The following DLG4 variants were observed in gnomAD, a reference collection of about 807,000 sequenced individuals.
DLG4 encodes the protein discs large MAGUK scaffold protein 4, also known as disks large homolog 4.
A neutral mutation model predicts 93.8 loss-of-function variants in DLG4; 7 were observed. The observed-to-expected ratio is 0.07, with a 90% confidence interval of 0.04 to 0.14. The LOEUF (loss-of-function observed/expected upper bound fraction) is 0.14, where lower values mean the gene tolerates loss of function less well. Ranked by LOEUF, DLG4 falls within the 10% of genes least tolerant of loss-of-function variation. DLG4 has a pLI of 1.00. For missense variants in DLG4, 545 were observed against 992.9 expected (o/e 0.55, Z 6.06); for synonymous variants, 341 against 387.6 (o/e 0.88, Z 1.41).
upstream of DLG4, chr17:7,219,936 C>CGGGCGTG (rs1555527399): frequency 3.8e-6 from 6 of 1,578,406 alleles, no homozygotes; most frequent in South Asian, 1.1e-5. Context: ...GTGCAGGACG[C>CGGGCGTG]CAGAGCTGGG....
rs1321828165 is a variant in DLG4 at position 7,193,467 on chromosome 17, A to T, written c.1693+16T>A. 1.3e-6 allele frequency: 2 copies of T among 1,516,796 alleles called. No individual in the cohort carries two copies. The highest frequency in any genetic ancestry group is 4.6e-5 in the Admixed American group (2 of 43,080). 94.0% of individuals were successfully genotyped at this position (1,516,796 alleles called of 1,614,324 possible). A position where few individuals can be genotyped will look rare whatever the true frequency, so the allele number is the denominator to read the frequency against. On this transcript the variant is annotated intron_variant, in intron 16 of 19. Transcript: ENST00000399506. This position sits in a 1 kb window ranked among gnomAD's most constrained non-coding sequence, Gnocchi z 6.7. Reference sequence around the variant, plus strand: ...CCACTTCCACCTTCTCCTCCATCCAAGGCCCCAGCACTCACGGGGAACACA... The same window carrying T: ...CCACTTCCACCTTCTCCTCCATCCATGGCCCCAGCACTCACGGGGAACACA...
intron 3 of DLG4, 28 bp from the exon 4 acceptor site, chr17:7,204,095 T>G (rs1386202915): frequency 3.1e-6 from 5 of 1,604,460 alleles, no homozygotes; most frequent in African/African-American, 1.3e-5. Flanking sequence ...ACAAAAGCAG[T>G]GAGACAGACA....
At chr17:7,205,201 G>A (rs955850849) in intron 2 of DLG4, 1 of 980,922 alleles carries the variant, frequency 1.0e-6, no homozygotes, top group Non-Finnish European at 1.2e-6. Flanking sequence ...AGTGGTGAAA[G>A]ACATCCGGGT....
upstream of DLG4, chr17:7,219,071 G>A: frequency 5.0e-6 from 3 of 602,042 alleles, no homozygotes; most frequent in South Asian, 4.1e-5. Flanking sequence ...CTCCTGAGAA[G>A]CCAGCAAAGA....
Position 7,193,346 on chromosome 17 carries a change from G to T in DLG4, c.1693+137C>A. The T allele has an allele frequency of 9.6e-7, 1 of 1,038,786 alleles. No homozygotes were observed. Among genetic ancestry groups the T allele is most frequent in the Non-Finnish European group, 1.4e-6 (1 of 728,882 alleles). 64.3% of individuals were successfully genotyped at this position (1,038,786 alleles called of 1,614,324 possible). On this transcript the variant is annotated intron_variant, in intron 16 of 19. Coordinates refer to ENST00000399506, the MANE Select transcript of DLG4 (RefSeq NM_001321075.3). This position sits in a 1 kb window ranked among gnomAD's most constrained non-coding sequence, Gnocchi z 6.7. ...TATGGAATGAGAGGGTGGCTGAGAA[G>T]CACCCCTTCTCGGAGAAACCCTGTA...
chr17:7,219,411 A>C (rs2071079543), upstream of DLG4: 2 of 1,015,440 alleles, frequency 2.0e-6, no homozygotes, highest in Non-Finnish European at 2.4e-6. Flanking sequence ...TCCTACTGTG[A>C]AACTGTAGCT....
intron 1 of DLG4, among the ~76,000 whole-genome samples, chr17:7,210,909 C>T (rs1039970206): frequency 6.6e-6 from 1 of 151,960 alleles, no homozygotes; most frequent in Non-Finnish European, 1.5e-5. Flanking sequence ...TCTCAGCGAG[C>T]CCCCAATACC....
rs2142846542 is a variant in DLG4, at chr17:7,196,976, G to A, written c.864C>T (p.Pro288=). Residue 288 remains proline (P), a synonymous_variant, in exon 9 of 20, where the codon CCC becomes CCT. Transcript: ENST00000399506. This position sits in a 1 kb window ranked among gnomAD's most constrained non-coding sequence, Gnocchi z 8.3. ...CTGGAGAGTAGCGCCGAGGGGAAGT[G>A]GGGGTCATGGCTGTGGGGTAGTCGG... ...LGTDYPTAMT[P]TSPRRYSPVA... The A allele has an allele frequency of 6.2e-7, 1 of 1,613,816 alleles. No homozygotes were observed. The highest frequency in any genetic ancestry group is 1.3e-5 in the African/African-American group (1 of 75,056).
In DLG4 at chr17:7,193,234, G is replaced by A; in HGVS notation, c.1694-117C>T. The A allele has an allele frequency of 2.8e-6, 4 of 1,449,754 alleles. No individual in the cohort carries two copies. Among genetic ancestry groups the A allele is most frequent in the Middle Eastern group, 1.8e-4 (1 of 5,588 alleles). 89.8% of individuals were successfully genotyped at this position (1,449,754 alleles called of 1,614,324 possible). On this transcript the variant is annotated intron_variant, in intron 16 of 19. Transcript: ENST00000399506. The surrounding 1 kb of genome is among the most constrained non-coding windows in gnomAD (Gnocchi z 6.7). Reference sequence around the variant, plus strand: ...GCTGGTCCTTTGGTGAAAGGGAGCTGCCAGGGAGACCAAGACTGCAGAGGG... The same window carrying A: ...GCTGGTCCTTTGGTGAAAGGGAGCTACCAGGGAGACCAAGACTGCAGAGGG...
intron 1 of DLG4, among the ~76,000 whole-genome samples, chr17:7,215,444 C>T (rs1287441458): frequency 6.6e-6 from 1 of 152,256 alleles, no homozygotes; most frequent in East Asian, 1.9e-4. Context: ...CCCACACATT[C>T]CAGCGGGCTT....
rs1300555589 is a variant in DLG4 at position 7,195,766 on chromosome 17, A to T, written c.1301+454T>A. Among the ~76,000 whole-genome samples, 1 of 152,162 alleles carries T rather than the reference A, an allele frequency of 6.6e-6. No homozygotes were observed. The highest frequency in any genetic ancestry group is 6.5e-5 in the Admixed American group (1 of 15,282). The stretch of plus-strand genomic sequence containing the variant: ...TGGCAGAAACCTAAGCCACAAAAAG[A>T]GTCAATGGAGACGAGCCCTAAGAGG... On this transcript the variant is annotated intron_variant, in intron 11 of 19. Coordinates refer to ENST00000399506, the MANE Select transcript of DLG4 (RefSeq NM_001321075.3). The surrounding 1 kb of genome is among the most constrained non-coding windows in gnomAD (Gnocchi z 4.3).
chr17:7,189,262 C>G lies in DLG4; in HGVS notation c.*1446G>C, dbSNP rs187347272. Among the ~76,000 whole-genome samples, 1 of 151,474 alleles carries G rather than the reference C, an allele frequency of 6.6e-6. No individual in the cohort carries two copies. The highest frequency in any genetic ancestry group is 6.6e-5 in the Admixed American group (1 of 15,226). On this transcript the variant is annotated 3_prime_UTR_variant, in exon 20 of 20. Transcript: ENST00000399506. Reference sequence around the variant, plus strand: ...ATCCCAGCACTTTGGGAGGCTGAGGCGGGTGGATAACAAGGTCAGGAGTTC... The same window carrying G: ...ATCCCAGCACTTTGGGAGGCTGAGGGGGGTGGATAACAAGGTCAGGAGTTC...
At chr17:7,210,242 G>A (rs897163178) in intron 1 of DLG4, among the ~76,000 whole-genome samples, 3 of 152,212 alleles carry the variant, frequency 2.0e-5, no homozygotes, top group African/African-American at 7.2e-5. Flanking sequence ...AACTTTGGCT[G>A]TAGAGTAAGG....
At chr17:7,211,806 A>T (rs1384548893) in intron 1 of DLG4, 1 of 43,606 alleles carries the variant, frequency 2.3e-5, no homozygotes, top group Non-Finnish European at 4.0e-5. Flanking sequence ...CGGCCGCGGC[A>T]ACTGGAGGCT....
At position 7,203,718 on chromosome 17, in the gene DLG4, C is replaced by T; in HGVS notation, c.309G>A (p.Gly103=). Residue 103 remains glycine (G), a synonymous_variant, in exon 5 of 20, where the codon GGG becomes GGA. Transcript: ENST00000399506. The surrounding 1 kb of genome is among the most constrained non-coding windows in gnomAD (Gnocchi z 7.2). ...TGAGGCGGCCATCCTGGGCCGCAGC[C>T]CCACCAGGAATGATCTTGGTGATGA... is the stretch of plus-strand genomic sequence containing the variant. The part of the protein sequence containing the change: ...SIFITKIIPG[G]AAAQDGRLRV... The T allele has an allele frequency of 6.2e-7, 1 of 1,613,902 alleles. No homozygotes were observed. Among genetic ancestry groups the T allele is most frequent in the Non-Finnish European group, 8.5e-7 (1 of 1,179,868 alleles).
At chr17:7,216,026 C>T (rs999247026) in intron 1 of DLG4, among the ~76,000 whole-genome samples, 7 of 151,556 alleles carry the variant, frequency 4.6e-5, no homozygotes, top group African/African-American at 1.2e-4. Flanking sequence ...GTGCTCCATC[C>T]GAGATCTCCT....
Position 7,194,101 on chromosome 17 carries a change from A to G in DLG4, c.1479-101T>C. The G allele has an allele frequency of 1.4e-6, 2 of 1,465,618 alleles. No individual in the cohort carries two copies. Among genetic ancestry groups the G allele is most frequent in the Admixed American group, 2.0e-5 (1 of 50,054 alleles). The allele number at this position is 1,465,618 out of a possible 1,614,324, so 90.8% of individuals were successfully genotyped here. Reference sequence around the variant, plus strand: ...CAACCCCTTCTCCATACTCTGGGCCAGCTGACACCCCTTCTCCTGCAGCCC... The same window carrying G: ...CAACCCCTTCTCCATACTCTGGGCCGGCTGACACCCCTTCTCCTGCAGCCC... On this transcript the variant is annotated intron_variant, in intron 12 of 19. Coordinates refer to ENST00000399506, the MANE Select transcript of DLG4 (RefSeq NM_001321075.3). This position sits in a 1 kb window ranked among gnomAD's most constrained non-coding sequence, Gnocchi z 4.4.
chr17:7,218,974 C>T, upstream of DLG4: 1 of 1,039,720 alleles, frequency 9.6e-7, no homozygotes, highest in Non-Finnish European at 1.5e-6. Context: ...CCCATTCCCC[C>T]AGGTCCCAAG....
chr17:7,216,109 A>G (rs1257110972), intron 1 of DLG4, among the ~76,000 whole-genome samples: 1 of 150,482 alleles, frequency 6.6e-6, no homozygotes, highest in Non-Finnish European at 1.5e-5. Flanking sequence ...CCCTCCTCCT[A>G]CACCTTTTCA....
Sources: allele counts gnomAD v4.1 joint callset (sites outside exome capture counted in the v4.1 genomes callset), GRCh38; gene constraint gnomAD v4.1.1; non-coding constraint Gnocchi (gnomAD v3.1); transcripts MANE v1.5; gene names NCBI Gene and HGNC (gene_info 2026-07-23, HGNC 2026-07-21).